The following ERG variants were observed in gnomAD, a reference collection of about 807,000 sequenced individuals.
The protein encoded by ERG is ETS transcription factor ERG, also known as transcriptional regulator ERG.
ERG carries 9 observed loss-of-function variants against 55.3 expected under a neutral mutation model. The observed-to-expected ratio is 0.16, with a 90% CI of 0.10 to 0.28. The LOEUF (loss-of-function observed/expected upper bound fraction) is 0.28. ERG is among the 10% of genes least tolerant of loss of function. The pLI is 1.00. For synonymous variants in ERG, 223 were observed against 237.3 expected, an observed-to-expected ratio of 0.94 and a Z score of 0.55; for missense variants, 434 against 631.6, an observed-to-expected ratio of 0.69 and a Z score of 3.35.
chr21:38,561,927 A>G (rs1281257116), intron 2 of ERG, among the ~76,000 whole-genome samples: 2 of 152,200 alleles, frequency 1.3e-5, no homozygotes, highest in Non-Finnish European at 2.9e-5. Flanking sequence ...AGTAACATGT[A>G]CTCTCAATTA....
At chr21:38,634,982 AG>A (rs2060379438) in intron 1 of ERG, among the ~76,000 whole-genome samples, 1 of 152,240 alleles carries the variant, frequency 6.6e-6, no homozygotes. Context: ...AAAGGAAATG[AG>A]CCGCCAAACC....
downstream of ERG, among the ~76,000 whole-genome samples, chr21:38,377,434 A>G (rs1987273295): frequency 6.6e-6 from 1 of 152,224 alleles, no homozygotes; most frequent in African/African-American, 2.4e-5. Context: ...GAGGACAGCT[A>G]GCCTTTTCCT....
chr21:38,630,763 G>A (rs1020615029), intron 1 of ERG, among the ~76,000 whole-genome samples: 6 of 152,106 alleles, frequency 3.9e-5, no homozygotes, highest in African/African-American at 1.4e-4. Flanking sequence ...TGTTTTCCTA[G>A]GATCACAGTC....
At chr21:38,586,619 C>T (rs765345629), upstream of ERG, among the ~76,000 whole-genome samples, 257 of 152,176 alleles carry the variant, frequency 1.7e-3, no homozygotes, top group Non-Finnish European at 3.2e-3. Flanking sequence ...TTGGTGGGAA[C>T]GTAGATCAGT....
chr21:38,473,851 T>G (rs1255757673), intron 1 of ERG, among the ~76,000 whole-genome samples: 1 of 152,078 alleles, frequency 6.6e-6, no homozygotes, highest in East Asian at 1.9e-4. Flanking sequence ...TATGTGTACA[T>G]GTTTGCGTAT....
chr21:38,535,099 GGC>G (rs1289399249), intron 2 of ERG, among the ~76,000 whole-genome samples: 1 of 151,866 alleles, frequency 6.6e-6, no homozygotes, highest in East Asian at 1.9e-4. Flanking sequence ...TTTTCCCTAA[GGC>G]TCTCCCACCC....
upstream of ERG, among the ~76,000 whole-genome samples, chr21:38,499,372 T>C (rs2146695063): frequency 6.6e-6 from 1 of 152,338 alleles, no homozygotes; most frequent in Middle Eastern, 3.4e-3. Context: ...TCGAAGGAAG[T>C]ACAGCGAATG....
chr21:38,651,286 G>C (rs1242569924), intron 1 of ERG, among the ~76,000 whole-genome samples: 2 of 152,146 alleles, frequency 1.3e-5, no homozygotes, highest in East Asian at 3.9e-4. Flanking sequence ...GTGACATAAG[G>C]TCACAAAACT....
At chr21:38,517,287 G>A (rs577687186) in intron 2 of ERG, among the ~76,000 whole-genome samples, 11 of 151,750 alleles carry the variant, frequency 7.2e-5, no homozygotes, top group Non-Finnish European at 1.3e-4. Context: ...CTTTTACAAA[G>A]TGGGCAAAGA....
At chr21:38,406,614 T>TTTTTG (rs1218736126) in intron 3 of ERG, among the ~76,000 whole-genome samples, 1 of 152,148 alleles carries the variant, frequency 6.6e-6, no homozygotes, top group Admixed American at 6.5e-5. Context: ...GAAACCCACC[T>TTTTTG]TTTTGTTTTG....
At chr21:38,602,828 C>T (rs1253341670) in intron 1 of ERG, among the ~76,000 whole-genome samples, 1 of 151,850 alleles carries the variant, frequency 6.6e-6, no homozygotes, top group East Asian at 1.9e-4. Flanking sequence ...CCTTTTACTC[C>T]TAGAACGCCA....
In ERG at chr21:38,403,515, G is replaced by A. The variant is rs71316642; in HGVS notation, c.583C>T (p.Leu195Phe). The stretch of plus-strand genomic sequence containing the variant: ...GGAAGGGGGAGCTTACTCTCTCTGA[G>A]GTAGTGGAGATGTGAGAGAAGGATG... Reference protein sequence around the residue: ...ADILLSHLHYLRETPLPHLTS... With the variant: ...ADILLSHLHYFRETPLPHLTS... Residue 195 changes from leucine to phenylalanine, a missense_variant, in exon 4 of 10, where the codon CTC (leucine) becomes TTC (phenylalanine). Coordinates refer to ENST00000288319, the MANE Select transcript of ERG (RefSeq NM_182918.4). 6.2e-7 allele frequency: 1 copy of A among 1,614,022 alleles called. No individual in the cohort carries two copies. The highest frequency in any genetic ancestry group is 8.5e-7 in the Non-Finnish European group (1 of 1,179,874).
At chr21:38,528,135 C>T (rs1312074223) in intron 2 of ERG, among the ~76,000 whole-genome samples, 1 of 136,216 alleles carries the variant, frequency 7.3e-6, no homozygotes, top group Non-Finnish European at 1.7e-5. Flanking sequence ...TCTGCTTTTG[C>T]GTTCACATGG....
intron 1 of ERG, among the ~76,000 whole-genome samples, chr21:38,590,603 T>TCCATCCAA (rs3065414): frequency 6.6e-6 from 1 of 151,982 alleles, no homozygotes; most frequent in Non-Finnish European, 1.5e-5. Flanking sequence ...CATCCATCCA[T>TCCATCCAA]GTATTCATGT....
At chr21:38,591,388 A>AGCAACAAAGTTAGGGAGGGAGTG (rs1415250253) in intron 1 of ERG, among the ~76,000 whole-genome samples, 3 of 152,330 alleles carry the variant, frequency 2.0e-5, no homozygotes, top group East Asian at 3.9e-4. Flanking sequence ...GAAGAAGTTG[A>AGCAACAAAGTTAGGGAGGGAGTG]GCAACAAAGT....
chr21:38,443,006 A>G (rs2058856388), intron 2 of ERG, among the ~76,000 whole-genome samples: 1 of 151,998 alleles, frequency 6.6e-6, no homozygotes, highest in Non-Finnish European at 1.5e-5. Context: ...ACAGGGTTTC[A>G]CCATGTTAGC....
At chr21:38,501,886 A>G (rs921975612), upstream of ERG, among the ~76,000 whole-genome samples, 1 of 152,232 alleles carries the variant, frequency 6.6e-6, no homozygotes, top group East Asian at 1.9e-4. Flanking sequence ...TAACATAAAT[A>G]TACCATAAAT....
intron 2 of ERG, among the ~76,000 whole-genome samples, chr21:38,520,521 C>T (rs1163475969): frequency 1.3e-5 from 2 of 152,198 alleles, no homozygotes; most frequent in African/African-American, 4.8e-5. Flanking sequence ...CCAAACATGG[C>T]GGGAAGCCAT....
intron 2 of ERG, among the ~76,000 whole-genome samples, chr21:38,555,400 AT>A (rs1265892542): frequency 1.3e-5 from 2 of 152,062 alleles, no homozygotes; most frequent in African/African-American, 4.8e-5. Context: ...CAGTAAAAAA[AT>A]AATATATCCA....
Sources: gnomAD v4.1 joint callset for allele counts (sites outside exome capture counted in the v4.1 genomes callset) on GRCh38, gnomAD v4.1.1 for gene constraint, MANE v1.5 for transcripts, NCBI Gene and HGNC (gene_info 2026-07-23, HGNC 2026-07-21) for gene names.